KCND3: variants seen among roughly 807,000 people sequenced by gnomAD.
The protein encoded by KCND3 is potassium voltage-gated channel subfamily D member 3.
A neutral mutation model predicts 51.1 loss-of-function variants in KCND3; 9 were observed. That is an observed-to-expected ratio of 0.18 (90% CI 0.11 to 0.31). The LOEUF is 0.31. Ranked by LOEUF, KCND3 falls within the 10% of genes least tolerant of loss-of-function variation. The pLI is 1.00. For synonymous variants in KCND3, 349 were observed against 368.0 expected, an observed-to-expected ratio of 0.95 and a Z score of 0.59; for missense variants, 526 against 903.8, an observed-to-expected ratio of 0.58 and a Z score of 5.36.
At chr1:111,810,450 G>A (rs1665795989) in intron 2 of KCND3, among the ~76,000 whole-genome samples, 1 of 152,218 alleles carries the variant, frequency 6.6e-6, no homozygotes, top group African/African-American at 2.4e-5. Context: ...CCCAAAGGTT[G>A]CACCCAAAGG....
At chr1:111,926,400 A>G (rs1324939370) in intron 2 of KCND3, among the ~76,000 whole-genome samples, 1 of 152,220 alleles carries the variant, frequency 6.6e-6, no homozygotes, top group Admixed American at 6.5e-5. Context: ...AGATGAGGTG[A>G]GGCACAGTGG....
chr1:111,983,707 G>GT (rs1675103169), intron 1 of KCND3, among the ~76,000 whole-genome samples: 1 of 151,798 alleles, frequency 6.6e-6, no homozygotes. Flanking sequence ...ACTCCCTCAG[G>GT]TTATATAACA....
intron 2 of KCND3, among the ~76,000 whole-genome samples, chr1:111,819,296 G>C (rs1432153789): frequency 1.3e-5 from 2 of 151,874 alleles, no homozygotes; most frequent in East Asian, 3.9e-4. Flanking sequence ...GAAGTGAAAA[G>C]TTACAGCAGG....
chr1:111,986,221 G>C (rs1045365597), intron 1 of KCND3, among the ~76,000 whole-genome samples: 2 of 152,214 alleles, frequency 1.3e-5, no homozygotes, highest in African/African-American at 2.4e-5. Flanking sequence ...TCTGGACACT[G>C]TCTGAGACAC....
intron 2 of KCND3, among the ~76,000 whole-genome samples, chr1:111,900,756 A>G (rs1309208586): frequency 1.3e-5 from 2 of 152,168 alleles, no homozygotes; most frequent in East Asian, 3.8e-4. Flanking sequence ...CAGGAATTCG[A>G]GACCAGCCTG....
At chr1:111,838,480 A>T (rs1571719064) in intron 2 of KCND3, among the ~76,000 whole-genome samples, 1 of 152,178 alleles carries the variant, frequency 6.6e-6, no homozygotes, top group Admixed American at 6.5e-5. Flanking sequence ...ACATAGTGAA[A>T]CCCCGTCTCT....
chr1:111,785,874 A>C (rs759327980), intron 3 of KCND3, among the ~76,000 whole-genome samples: 9 of 152,188 alleles, frequency 5.9e-5, no homozygotes, highest in Admixed American at 3.9e-4. Context: ...GCTGCAATGC[A>C]TAGGGCCGAC....
Position 111,983,309 on chromosome 1 carries a change from G to A in KCND3, c.-72-511C>T, listed in dbSNP as rs1219571044. On this transcript the variant is annotated intron_variant, in intron 1 of 7. Transcript: ENST00000302127. ...AAACAATTCTTTCTACTCCTCCCTA[G>A]TGAGGAAGAGGCTGGGGCTGCCCAA... Among the ~76,000 whole-genome samples, 6 of 152,154 alleles carry A rather than the reference G, an allele frequency of 3.9e-5. No individual in the cohort carries two copies. The South Asian group carries it at 1.0e-3, about 26-fold the overall frequency.
At chr1:111,952,532 T>C (rs2101909361) in intron 2 of KCND3, among the ~76,000 whole-genome samples, 1 of 152,268 alleles carries the variant, frequency 6.6e-6, no homozygotes, top group South Asian at 2.1e-4. Flanking sequence ...TCAATACGGG[T>C]AAGAAGTTTC....
chr1:111,847,736 A>C (rs1341179754), intron 2 of KCND3, among the ~76,000 whole-genome samples: 1 of 152,178 alleles, frequency 6.6e-6, no homozygotes, highest in Non-Finnish European at 1.5e-5. Context: ...CCTGGGCTTA[A>C]TTGTTTGCAG....
At chr1:111,830,594 G>C (rs1462531154) in intron 2 of KCND3, among the ~76,000 whole-genome samples, 4 of 152,196 alleles carry the variant, frequency 2.6e-5, no homozygotes, top group African/African-American at 9.6e-5. Context: ...CCCTGAGTCT[G>C]CGCCCTGCTG....
At chr1:111,897,144 C>T (rs1019810624) in intron 2 of KCND3, among the ~76,000 whole-genome samples, 1 of 152,234 alleles carries the variant, frequency 6.6e-6, no homozygotes, top group South Asian at 2.1e-4. Context: ...CTTCCTACAG[C>T]GCTGGCCCTG....
intron 2 of KCND3, among the ~76,000 whole-genome samples, chr1:111,842,652 C>T (rs949339406): frequency 3.3e-5 from 5 of 152,322 alleles, no homozygotes; most frequent in East Asian, 3.9e-4. Flanking sequence ...GCTCTGCCAG[C>T]GTGAGTGGCC....
At chr1:111,965,463 C>CACACACAA in intron 2 of KCND3, among the ~76,000 whole-genome samples, 1 of 148,094 alleles carries the variant, frequency 6.8e-6, no homozygotes, top group Non-Finnish European at 1.5e-5. Context: ...CACACACACA[C>CACACACAA]ACACACACAC....
intron 2 of KCND3, among the ~76,000 whole-genome samples, chr1:111,866,814 G>T (rs958759257): frequency 3.3e-5 from 5 of 152,076 alleles, no homozygotes; most frequent in Admixed American, 2.6e-4. Context: ...TATTAAAGCT[G>T]ACTTTCCTCT....
rs986024696 is a variant in KCND3 at position 111,950,295 on chromosome 1, C to G, written c.1106+31326G>C. Reference sequence around the variant, plus strand: ...GCTCTATTTAATTTTTTTGAAAATACTGGTCGTGACCCACTAAGTTAATTT... The same window carrying G: ...GCTCTATTTAATTTTTTTGAAAATAGTGGTCGTGACCCACTAAGTTAATTT... On this transcript the variant is annotated intron_variant, in intron 2 of 7. Coordinates refer to ENST00000302127, the MANE Select transcript of KCND3 (RefSeq NM_001378969.1). Among the ~76,000 whole-genome samples, 10 of 152,186 alleles carry G rather than the reference C, an allele frequency of 6.6e-5. No individual in the cohort carries two copies. The East Asian group carries it at 1.7e-3, about 26-fold the overall frequency.
chr1:111,954,285 G>C (rs1303264283), intron 2 of KCND3, among the ~76,000 whole-genome samples: 1 of 152,176 alleles, frequency 6.6e-6, no homozygotes, highest in Non-Finnish European at 1.5e-5. Flanking sequence ...GACCCTTAAT[G>C]ACATAGAGGA....
intron 2 of KCND3, among the ~76,000 whole-genome samples, chr1:111,871,654 TG>T (rs1225308460): frequency 6.6e-6 from 1 of 152,166 alleles, no homozygotes; most frequent in Non-Finnish European, 1.5e-5. Flanking sequence ...GAAGTTAATT[TG>T]GGTACCACCT....
intron 2 of KCND3, among the ~76,000 whole-genome samples, chr1:111,866,910 G>T (rs1214965775): frequency 6.6e-6 from 1 of 152,174 alleles, no homozygotes; most frequent in Non-Finnish European, 1.5e-5. Context: ...GATTAAATAT[G>T]CAGCTTCCCA....
Sources: allele counts gnomAD v4.1 joint callset (sites outside exome capture counted in the v4.1 genomes callset), GRCh38; gene constraint gnomAD v4.1.1; transcripts MANE v1.5; gene names NCBI Gene and HGNC (gene_info 2026-07-23, HGNC 2026-07-21).